The following ASXL3 variants were observed in gnomAD, a reference collection of about 807,000 sequenced individuals.
ASXL3 encodes ASXL transcriptional regulator 3.
Under a neutral mutation model 170.6 loss-of-function variants are expected in ASXL3, and 34 were observed. The observed-to-expected ratio is 0.20, with a 90% CI of 0.15 to 0.27. The LOEUF (loss-of-function observed/expected upper bound fraction) is 0.27. Among genes scored for constraint, ASXL3 ranks in the 10% least tolerant of loss-of-function variants. The pLI is 1.00. For synonymous variants in ASXL3, 1,002 were observed against 989.1 expected (o/e 1.01, Z -0.24); for missense variants, 2,592 against 2,695.3 (o/e 0.96, Z 0.85).
chr18:33,652,422 T>C (rs1377410283), intron 4 of ASXL3, among the ~76,000 whole-genome samples: 1 of 151,724 alleles, frequency 6.6e-6, no homozygotes, highest in Non-Finnish European at 1.5e-5. Context: ...CCTAATATAG[T>C]TCAGGCTTAA....
intron 7 of ASXL3, among the ~76,000 whole-genome samples, chr18:33,675,022 T>TA (rs2066403235): frequency 1.3e-5 from 2 of 152,198 alleles, no homozygotes; most frequent in Admixed American, 1.3e-4. Context: ...TCTTTGCCAT[T>TA]AAGTTGTTAA....
At chr18:33,585,367 G>T (rs1274754133) in intron 1 of ASXL3, among the ~76,000 whole-genome samples, 12 of 151,910 alleles carry the variant, frequency 7.9e-5, no homozygotes, top group Non-Finnish European at 1.5e-4. Flanking sequence ...AAGAGCCCTT[G>T]GGGAACAAAT....
At position 33,683,413 on chromosome 18, in the gene ASXL3, A is replaced by C. The variant is rs1444784631; in HGVS notation, c.724A>C (p.Lys242Gln). The C allele has an allele frequency of 5.6e-6, 9 of 1,611,704 alleles. No individual in the cohort carries two copies. The highest frequency in any genetic ancestry group is 7.6e-6 in the Non-Finnish European group (9 of 1,178,876). The change falls in exon 8 of 12, where the codon AAA (lysine) becomes CAA (glutamine). Residue 242 changes from lysine to glutamine, a missense_variant. Lys to Gln is a moderately conservative substitution (Grantham distance 53). Coordinates refer to ENST00000269197, the MANE Select transcript of ASXL3 (RefSeq NM_030632.3). ...RLKKSGLGHL[K>Q]WTKAEDIDIE... ...TTGCTTGTTCATCACAGGGCACTTG[A>C]AATGGACCAAAGCTGAGGACATTGA... is the stretch of plus-strand genomic sequence containing the variant.
In ASXL3 at chr18:33,740,044, A is replaced by G. The variant is rs965881712; in HGVS notation, c.2640A>G (p.Pro880=). 3.7e-6 allele frequency: 6 copies of G among 1,613,816 alleles called. No homozygotes were observed. The highest frequency in any genetic ancestry group is 5.1e-6 in the Non-Finnish European group (6 of 1,179,870). The change falls in exon 11 of 12, where the codon CCA becomes CCG. Residue 880 remains proline, a synonymous_variant. Transcript: ENST00000269197. ...QRTEKKVLPS[P]LELSVFSEGT... ...CAGAAAAAAAAGTGTTACCTTCACC[A>G]TTGGAATTATCTGTCTTTTCTGAAG... is the stretch of plus-strand genomic sequence containing the variant.
intron 1 of ASXL3, among the ~76,000 whole-genome samples, chr18:33,588,670 A>C (rs993792505): frequency 4.6e-5 from 7 of 152,150 alleles, no homozygotes; most frequent in African/African-American, 1.7e-4. Context: ...TCAAATTGGC[A>C]GACTCTAGGT....
At chr18:33,671,688 T>A (rs1367547282) in intron 6 of ASXL3, 59 bp from the exon 7 acceptor site, 1 of 1,453,236 alleles carries the variant, frequency 6.9e-7, no homozygotes, top group African/African-American at 1.4e-5. Flanking sequence ...CAATTTTAGA[T>A]TTTTCTTTTC....
chr18:33,727,033 TAGAG>T (rs1407815612), intron 8 of ASXL3, among the ~76,000 whole-genome samples: 2 of 152,174 alleles, frequency 1.3e-5, no homozygotes, highest in African/African-American at 2.4e-5. Flanking sequence ...TTAATTCTAT[TAGAG>T]AGGCTCATCC....
intron 8 of ASXL3, among the ~76,000 whole-genome samples, chr18:33,687,447 A>G (rs7232636): frequency 0.62 from 94,787 of 152,040 alleles, 30,807 homozygotes; most frequent in East Asian, 0.94. Context: ...TTTCAATTAC[A>G]TCTTCACATA....
At chr18:33,598,336 G>C (rs1272336577) in intron 1 of ASXL3, among the ~76,000 whole-genome samples, 1 of 151,890 alleles carries the variant, frequency 6.6e-6, no homozygotes, top group Non-Finnish European at 1.5e-5. Flanking sequence ...TTTTATGGGA[G>C]GTTCTATAAC....
intron 5 of ASXL3, among the ~76,000 whole-genome samples, chr18:33,662,167 C>T (rs1313261543): frequency 6.6e-6 from 1 of 152,050 alleles, no homozygotes; most frequent in East Asian, 1.9e-4. Flanking sequence ...AATAGTGTTG[C>T]TTACTTATAT....
At chr18:33,694,296 ATC>A (rs2145311191) in intron 8 of ASXL3, among the ~76,000 whole-genome samples, 1 of 152,248 alleles carries the variant, frequency 6.6e-6, no homozygotes, top group East Asian at 1.9e-4. Context: ...TACATAGCGG[ATC>A]TCTCCTTTCT....
At chr18:33,598,178 T>TA (rs2065147962) in intron 1 of ASXL3, among the ~76,000 whole-genome samples, 1 of 152,200 alleles carries the variant, frequency 6.6e-6, no homozygotes, top group Non-Finnish European at 1.5e-5. Flanking sequence ...AGTTGTTATA[T>TA]ATCTATCTAT....
chr18:33,639,535 G>A (rs2065816732), intron 2 of ASXL3, among the ~76,000 whole-genome samples: 1 of 152,060 alleles, frequency 6.6e-6, no homozygotes, highest in African/African-American at 2.4e-5. Context: ...TTTTAGTTGA[G>A]GGTCTTTGAA....
intron 8 of ASXL3, among the ~76,000 whole-genome samples, chr18:33,685,682 G>T (rs982950658): frequency 6.6e-6 from 1 of 152,160 alleles, no homozygotes; most frequent in African/African-American, 2.4e-5. Context: ...CATACTGTTG[G>T]CATTTGCTTC....
Position 33,690,675 on chromosome 18 carries a change from CT to C in ASXL3, c.879+7109del, listed in dbSNP as rs528229090. Among the ~76,000 whole-genome samples, 75 of 152,312 alleles carry C rather than the reference CT, an allele frequency of 4.9e-4. 1 individual carries two copies. In the South Asian group the frequency reaches 6.8e-3, roughly 14 times the overall value. ...TCTGTCTTTCCATAGATGTCTCTTA[CT>C]TCTCCGACAGTGAGAAACCAGCTCC... On this transcript the variant is annotated intron_variant, in intron 8 of 11. Coordinates refer to ENST00000269197, the MANE Select transcript of ASXL3 (RefSeq NM_030632.3).
chr18:33,726,405 T>A (rs1015113778), intron 8 of ASXL3, among the ~76,000 whole-genome samples: 2 of 152,126 alleles, frequency 1.3e-5, no homozygotes, highest in African/African-American at 4.8e-5. Context: ...TGCTGTCTAG[T>A]ACAATAGCCA....
intron 2 of ASXL3, among the ~76,000 whole-genome samples, chr18:33,620,375 A>G (rs987669384): frequency 1.3e-5 from 2 of 152,100 alleles, no homozygotes; most frequent in Non-Finnish European, 2.9e-5. Context: ...TTTAAAGAAT[A>G]GCTCAGATCT....
intron 1 of ASXL3, among the ~76,000 whole-genome samples, chr18:33,592,889 A>G (rs1053114597): frequency 6.6e-6 from 1 of 152,156 alleles, no homozygotes; most frequent in Non-Finnish European, 1.5e-5. Flanking sequence ...AAACTTGTAA[A>G]ACCAGTAAAA....
At chr18:33,679,897 A>G (rs990694533) in intron 7 of ASXL3, among the ~76,000 whole-genome samples, 1 of 151,960 alleles carries the variant, frequency 6.6e-6, no homozygotes, top group Non-Finnish European at 1.5e-5. Flanking sequence ...ATTTGTTTAT[A>G]CCATCTCAGG....
Sources: allele counts gnomAD v4.1 joint callset (sites outside exome capture counted in the v4.1 genomes callset), GRCh38; gene constraint gnomAD v4.1.1; transcripts MANE v1.5; gene names NCBI Gene and HGNC (gene_info 2026-07-23, HGNC 2026-07-21).